The following SDK1 variants were observed in gnomAD, a reference collection of about 807,000 sequenced individuals.
The protein encoded by SDK1 is protein sidekick-1.
Under a neutral mutation model 245.5 loss-of-function variants are expected in SDK1, and 157 were observed. The ratio of observed to expected loss-of-function variants is 0.64; its 90% CI spans 0.56 to 0.73. The LOEUF (loss-of-function observed/expected upper bound fraction) is 0.73. Ranked by LOEUF, SDK1 falls within the 30% of genes least tolerant of loss-of-function variation. SDK1 has a pLI of 0.00. For missense variants in SDK1, 3,583 were observed against 3,002.3 expected (o/e 1.19, Z -4.52); for synonymous variants, 1,647 against 1,278.5 (o/e 1.29, Z -6.15).
chr7:4,194,558 GAGCA>G (rs1386072134), intron 35 of SDK1, among the ~76,000 whole-genome samples: 1 of 152,010 alleles, frequency 6.6e-6, no homozygotes, highest in African/African-American at 2.4e-5. Context: ...CAAGCTCGAG[GAGCA>G]AGCAAGGAGA....
At chr7:3,707,964 T>C (rs1189351538) in intron 4 of SDK1, among the ~76,000 whole-genome samples, 2 of 152,222 alleles carry the variant, frequency 1.3e-5, no homozygotes, top group Non-Finnish European at 1.5e-5. Context: ...TTAGTCTCAT[T>C]GCTATAAAGA....
intron 5 of SDK1, among the ~76,000 whole-genome samples, chr7:3,842,553 C>G (rs547182609): frequency 1.3e-5 from 2 of 152,230 alleles, no homozygotes; most frequent in Admixed American, 1.3e-4. Context: ...TACAGTGGAG[C>G]AGAAGAAATC....
intron 29 of SDK1, among the ~76,000 whole-genome samples, chr7:4,146,944 G>A (rs649186): frequency 0.77 from 117,207 of 152,202 alleles, 45,358 homozygotes; most frequent in African/African-American, 0.85. Flanking sequence ...CCACGAGGCC[G>A]ACTCTTCCCA....
intron 5 of SDK1, among the ~76,000 whole-genome samples, chr7:3,921,732 G>A (rs1425250116): frequency 3.9e-5 from 6 of 152,108 alleles, no homozygotes; most frequent in Non-Finnish European, 5.9e-5. Context: ...TTGGGAGGCC[G>A]AGGCAGGAGG....
At chr7:4,227,534 A>G (rs981620978) in intron 40 of SDK1, 11 of 451,070 alleles carry the variant, frequency 2.4e-5, no homozygotes, top group Admixed American at 7.3e-5. Flanking sequence ...AAATGGCAGT[A>G]TTTAAGAAAT....
rs1227221341 is a variant in SDK1 at position 4,178,548 on chromosome 7, C to T, written c.5060C>T (p.Pro1687Leu). 6.2e-7 allele frequency: 1 copy of T among 1,613,440 alleles called. No homozygotes were observed. The highest frequency in any genetic ancestry group is 1.7e-5 in the Admixed American group (1 of 60,026). The change falls in exon 35 of 45, where the codon CCA becomes CTA. Residue 1687 changes from proline to leucine, a missense_variant. Coordinates refer to ENST00000404826, the MANE Select transcript of SDK1 (RefSeq NM_152744.4). ...MTAYNIIGES[P>L]ASAPVEVFVG... is the part of the protein sequence containing the mutation. ...GCCTATAACATCATCGGCGAGAGCC[C>T]AGCCAGCGCGCCCGTGGAGGTCTTT...
At chr7:3,646,625 T>A (rs1562628023) in intron 4 of SDK1, among the ~76,000 whole-genome samples, 1 of 152,230 alleles carries the variant, frequency 6.6e-6, no homozygotes, top group Non-Finnish European at 1.5e-5. Context: ...TGGATCAGCC[T>A]GATTCTTTCC....
intron 1 of SDK1, among the ~76,000 whole-genome samples, chr7:3,540,341 A>G (rs1275717439): frequency 1.3e-5 from 2 of 152,232 alleles, no homozygotes; most frequent in African/African-American, 4.8e-5. Flanking sequence ...TGGGAGGCAG[A>G]GGTTGCAGTG....
chr7:3,787,878 G>T (rs1780954864), intron 4 of SDK1, among the ~76,000 whole-genome samples: 1 of 152,168 alleles, frequency 6.6e-6, no homozygotes, highest in South Asian at 2.1e-4. Flanking sequence ...TCTACCTCAG[G>T]ACCGCTGGAG....
At chr7:3,415,622 C>T (rs1779342142) in intron 1 of SDK1, among the ~76,000 whole-genome samples, 1 of 151,638 alleles carries the variant, frequency 6.6e-6, no homozygotes, top group African/African-American at 2.4e-5. Flanking sequence ...GGAAGGATAC[C>T]CACAAGTCCA....
intron 4 of SDK1, among the ~76,000 whole-genome samples, chr7:3,815,945 T>C (rs1420950834): frequency 1.4e-5 from 2 of 142,768 alleles, no homozygotes; most frequent in East Asian, 3.9e-4. Flanking sequence ...AGAATCTCAC[T>C]CAAAGCCGCT....
intron 22 of SDK1, among the ~76,000 whole-genome samples, chr7:4,100,815 G>A (rs4077466): frequency 0.13 from 19,689 of 152,190 alleles, 1,452 homozygotes; most frequent in African/African-American, 0.2. Context: ...AGGCTGGACC[G>A]CTCGGCACAG....
At chr7:3,564,754 T>C (rs1027347972) in intron 1 of SDK1, among the ~76,000 whole-genome samples, 1 of 152,004 alleles carries the variant, frequency 6.6e-6, no homozygotes, top group Non-Finnish European at 1.5e-5. Context: ...CTGAGAGAAT[T>C]TTATGGTTGA....
chr7:4,048,139 C>T (rs1789156024), intron 17 of SDK1, among the ~76,000 whole-genome samples: 1 of 152,084 alleles, frequency 6.6e-6, no homozygotes, highest in African/African-American at 2.4e-5. Flanking sequence ...GCGATTTTCA[C>T]CAGGACCACA....
At chr7:3,760,261 G>T (rs947220414) in intron 4 of SDK1, among the ~76,000 whole-genome samples, 1 of 152,118 alleles carries the variant, frequency 6.6e-6, no homozygotes, top group African/African-American at 2.4e-5. Context: ...GAAGACTCAG[G>T]TTGTCCGTCA....
intron 5 of SDK1, among the ~76,000 whole-genome samples, chr7:3,901,227 A>G (rs542664559): frequency 5.0e-4 from 75 of 150,690 alleles, no homozygotes; most frequent in African/African-American, 1.5e-3. Flanking sequence ...TTGCTCTGTC[A>G]CCAAGCTGGA....
intron 17 of SDK1, among the ~76,000 whole-genome samples, chr7:4,021,446 G>A (rs749761658): frequency 2.0e-4 from 30 of 152,168 alleles, no homozygotes; most frequent in Non-Finnish European, 3.8e-4. Flanking sequence ...ACAGTGACAG[G>A]AGCTTAAACA....
At chr7:3,799,685 A>T (rs1453183091) in intron 4 of SDK1, among the ~76,000 whole-genome samples, 1 of 139,070 alleles carries the variant, frequency 7.2e-6, no homozygotes, top group Non-Finnish European at 1.5e-5. Context: ...AGCCTGGGCG[A>T]CAGAGTGAGA....
intron 4 of SDK1, among the ~76,000 whole-genome samples, chr7:3,676,679 T>A (rs1783914644): frequency 6.6e-6 from 1 of 152,228 alleles, no homozygotes; most frequent in Non-Finnish European, 1.5e-5. Flanking sequence ...TAAACCATCT[T>A]GAGTAAATTT....
Sources: allele counts gnomAD v4.1 joint callset (sites outside exome capture counted in the v4.1 genomes callset), GRCh38; gene constraint gnomAD v4.1.1; transcripts MANE v1.5; gene names NCBI Gene and HGNC (gene_info 2026-07-23, HGNC 2026-07-21).